Variants in CCNB3 observed in about 807,000 individuals in gnomAD.
CCNB3 encodes cyclin B3.
Under a neutral mutation model 68.0 loss-of-function variants are expected in CCNB3, and 12 were observed. The ratio of observed to expected loss-of-function variants is 0.18; its 90% CI spans 0.11 to 0.29. The LOEUF (loss-of-function observed/expected upper bound fraction) is 0.29, where lower values mean the gene tolerates loss of function less well. Among genes scored for constraint, CCNB3 ranks in the 10% least tolerant of loss-of-function variants. The probability of loss-of-function intolerance (pLI) is 1.00; values close to 1 mark genes in which losing one functional copy is unlikely to be tolerated. For synonymous variants in CCNB3, 354 were observed against 388.9 expected, an observed-to-expected ratio of 0.91 and a Z score of 1.06; for missense variants, 904 against 993.1, an observed-to-expected ratio of 0.91 and a Z score of 1.21.
intron 1 of CCNB3, among the ~76,000 whole-genome samples, chrX:50,226,267 T>TAGAATATATATATTTATATATAG (rs1935784764): frequency 3.0e-5 from 2 of 66,707 alleles, no homozygotes; most frequent in Non-Finnish European, 4.9e-5. Flanking sequence ...TTTATATATA[T>TAGAATATATATATTTATATATAG]AGAATATATA....
chrX:50,226,468 A>AATATATATATAAATATATATAGAAT (rs1256379651), intron 1 of CCNB3, among the ~76,000 whole-genome samples: 3 of 63,630 alleles, frequency 4.7e-5, no homozygotes, highest in African/African-American at 2.0e-4. Flanking sequence ...ATATATATAG[A>AATATATATATAAATATATATAGAAT]ATATATATAA....
In CCNB3 at chrX:50,307,370, C is replaced by T. The variant is rs782605742; in HGVS notation, c.336-1135C>T. 2.7e-5 allele frequency among the ~76,000 whole-genome samples: 3 copies of T among 111,043 alleles called. No individual in the cohort carries two copies. The East Asian group carries it at 8.5e-4, about 31-fold the overall frequency. ...AACTGAAGCACAGAGAGTTAACTTG[C>T]CCAAGGTCACCCAGTCAGTAAGTTG... On this transcript the variant is annotated intron_variant, in intron 5 of 12. Coordinates refer to ENST00000376042, the MANE Select transcript of CCNB3 (RefSeq NM_033031.3).
At chrX:50,301,846 C>T (rs1317954915) in intron 5 of CCNB3, among the ~76,000 whole-genome samples, 3 of 112,653 alleles carry the variant, frequency 2.7e-5, no homozygotes, top group Admixed American at 9.3e-5. Context: ...GGTGCCCCTC[C>T]CCCAGGCTTG....
chrX:50,214,210 A>G (rs1451540731), intron 1 of CCNB3, among the ~76,000 whole-genome samples: 3 of 108,785 alleles, frequency 2.8e-5, no homozygotes, highest in Non-Finnish European at 5.7e-5. Flanking sequence ...TTCTTTGTCA[A>G]TCTTGGTAGA....
In CCNB3 at chrX:50,309,962, T is replaced by C. The variant is rs1557214400; in HGVS notation, c.1793T>C (p.Met598Thr). The change falls in exon 6 of 13, where the codon ATG (methionine) becomes ACG (threonine). Residue 598 changes from methionine to threonine, a missense_variant. Transcript: ENST00000376042. ...GAAAAGAAAATTACTCAGGGGAAGA[T>C]GTCCCACTTAAAGAAGCCACTGGTC... ...LQEKKITQGK[M>T]SHLKKPLVLQ... is the part of the protein sequence containing the mutation. 2.5e-6 allele frequency: 3 copies of C among 1,208,997 alleles called. No individual in the cohort carries two copies. Among genetic ancestry groups the C allele is most frequent in the Non-Finnish European group, 3.4e-6 (3 of 894,407 alleles).
At chrX:50,292,813 A>G (rs1270963266) in intron 4 of CCNB3, among the ~76,000 whole-genome samples, 1 of 110,776 alleles carries the variant, frequency 9.0e-6, no homozygotes, top group Non-Finnish European at 1.9e-5. Context: ...CACTCTCATA[A>G]TTTTTTGAGC....
intron 8 of CCNB3, among the ~76,000 whole-genome samples, chrX:50,326,062 AAGTCTT>A (rs1922280450): frequency 8.9e-6 from 1 of 111,759 alleles, no homozygotes. Context: ...TTTTAGGAAT[AAGTCTT>A]AGTCATCTTT....
At chrX:50,283,486 A>G (rs1286074227) in intron 1 of CCNB3, among the ~76,000 whole-genome samples, 2 of 111,607 alleles carry the variant, frequency 1.8e-5, no homozygotes, top group African/African-American at 6.5e-5. Context: ...ATATACTTAT[A>G]CTGGCTTTTC....
At chrX:50,228,592 T>C (rs2147003739) in intron 1 of CCNB3, among the ~76,000 whole-genome samples, 1 of 84,922 alleles carries the variant, frequency 1.2e-5, no homozygotes, top group African/African-American at 4.3e-5. Context: ...ATATAGAATA[T>C]AGATAATATA....
intron 5 of CCNB3, among the ~76,000 whole-genome samples, chrX:50,295,383 G>T (rs1936435047): frequency 2.7e-5 from 3 of 111,255 alleles, no homozygotes; most frequent in Admixed American, 1.9e-4. Flanking sequence ...AGCTTTACGG[G>T]AGGTTTGTCC....
intron 4 of CCNB3, among the ~76,000 whole-genome samples, chrX:50,292,136 C>T (rs903583791): frequency 9.0e-6 from 1 of 111,274 alleles, no homozygotes; most frequent in East Asian, 2.8e-4. Context: ...CCACAATATA[C>T]TTATCAATTT....
At chrX:50,226,796 AATATAT>A (rs1200404337) in intron 1 of CCNB3, among the ~76,000 whole-genome samples, 1 of 75,933 alleles carries the variant, frequency 1.3e-5, no homozygotes, top group Admixed American at 2.0e-4. Flanking sequence ...ATGTACATAG[AATATAT>A]ATATAGAGTA....
rs781961792 is a variant in CCNB3, at chrX:50,346,649, T to C, written c.3655-3T>C. On this transcript the variant is annotated splice_polypyrimidine_tract_variant and splice_region_variant and intron_variant, in intron 9 of 12. Coordinates refer to ENST00000376042, the MANE Select transcript of CCNB3 (RefSeq NM_033031.3). ...TGTCACCTCCTCTCCTCTCCACCCATAGGAGCACAACTCACCTCGTGTGGA... is the reference window on the plus strand; with the variant it reads ...TGTCACCTCCTCTCCTCTCCACCCACAGGAGCACAACTCACCTCGTGTGGA... The C allele has an allele frequency of 8.3e-7, 1 of 1,207,460 alleles. No individual in the cohort carries two copies. The highest frequency in any genetic ancestry group is 1.7e-5 in the African/African-American group (1 of 57,709).
At chrX:50,216,081 T>G (rs917235208) in intron 1 of CCNB3, among the ~76,000 whole-genome samples, 1 of 106,029 alleles carries the variant, frequency 9.4e-6, no homozygotes, top group African/African-American at 3.5e-5. Context: ...CCTGAGTAGC[T>G]GGGAATACAG....
chrX:50,279,901 G>GTA (rs1458794667), intron 1 of CCNB3, among the ~76,000 whole-genome samples: 2 of 82,603 alleles, frequency 2.4e-5, no homozygotes, highest in African/African-American at 4.8e-5. Flanking sequence ...AATATATAGT[G>GTA]TATATATATA....
Position 50,311,150 on chromosome X carries a change from T to A in CCNB3, c.2981T>A (p.Met994Lys), listed in dbSNP as rs1228366194. 1.7e-6 allele frequency: 2 copies of A among 1,204,680 alleles called. No individual in the cohort carries two copies. Among genetic ancestry groups the A allele is most frequent in the Non-Finnish European group, 2.2e-6 (2 of 894,008 alleles). The change falls in exon 6 of 13, where the codon ATG (methionine) becomes AAG (lysine). Residue 994 changes from methionine to lysine, a missense_variant. Transcript: ENST00000376042. ...ACCAGCAAGTCCAGCATTGCTACCA[T>A]GACCAGTGTGGGCAAATCTGGTACC... The part of the protein sequence containing the change: ...SITSKSSIAT[M>K]TSVGKSGTIN...
In CCNB3 at chrX:50,312,639, A is replaced by C; in HGVS notation, c.3423+7A>C. 1 of 1,152,608 alleles carries C rather than the reference A, an allele frequency of 8.7e-7. No homozygotes were observed. Among genetic ancestry groups the C allele is most frequent in the East Asian group, 3.0e-5 (1 of 33,035 alleles). The allele number at this position is 1,152,608 out of a possible 1,213,427, so 95.0% of individuals were successfully genotyped here. ...TTACATGAAAGAGAGAGAGGTATTT[A>C]GGTTGCTTGGGTTGGGCAATGATTT... On this transcript the variant is annotated splice_region_variant and intron_variant, in intron 7 of 12. Transcript: ENST00000376042.
intron 5 of CCNB3, among the ~76,000 whole-genome samples, chrX:50,305,943 T>C (rs1423030513): frequency 6.5e-5 from 6 of 92,960 alleles, no homozygotes; most frequent in Non-Finnish European, 1.0e-4. Context: ...CACACCAGCT[T>C]TTTTTTTTTT....
In CCNB3 at chrX:50,309,728, T is replaced by C. The variant is rs782744756; in HGVS notation, c.1559T>C (p.Ile520Thr). ...ACCACCTCTGGAGAAAAGTCACTTA[T>C]TAAGGAGCCACTGCCCTTTAAAGAA... is the stretch of plus-strand genomic sequence containing the variant. Reference protein sequence around the residue: ...LQTTSGEKSLIKEPLPFKEEK... With the variant: ...LQTTSGEKSLTKEPLPFKEEK... Residue 520 changes from isoleucine (I) to threonine (T), a missense_variant, in exon 6 of 13, where the codon ATT becomes ACT. By Grantham distance (89) the Ile-to-Thr change is moderately conservative. Transcript: ENST00000376042. 3 of 1,209,930 alleles carry C rather than the reference T, an allele frequency of 2.5e-6. No individual in the cohort carries two copies. The South Asian group carries it at 5.3e-5, about 21-fold the overall frequency.
Sources: gnomAD v4.1 joint callset for allele counts (sites outside exome capture counted in the v4.1 genomes callset) on GRCh38, gnomAD v4.1.1 for gene constraint, MANE v1.5 for transcripts, NCBI Gene and HGNC (gene_info 2026-07-23, HGNC 2026-07-21) for gene names.